Variants in MMP13 observed in about 807,000 individuals in gnomAD.
The protein encoded by MMP13 is collagenase 3.
A neutral mutation model predicts 52.1 loss-of-function variants in MMP13; 45 were observed. The ratio of observed to expected loss-of-function variants is 0.86; its 90% CI spans 0.68 to 1.11. MMP13 has a LOEUF of 1.11. Among genes scored for constraint, MMP13 ranks in the 50% least tolerant of loss-of-function variants. The pLI is 0.00. For missense variants in MMP13, 576 were observed against 583.8 expected, an observed-to-expected ratio of 0.99 and a Z score of 0.14; for synonymous variants, 200 against 204.4, an observed-to-expected ratio of 0.98 and a Z score of 0.18.
chr11:102,946,406 A>T (rs1555016663), intron 8 of MMP13, among the ~76,000 whole-genome samples: 1 of 152,200 alleles, frequency 6.6e-6, no homozygotes, highest in East Asian at 1.9e-4. Flanking sequence ...TGTTCCAACA[A>T]GTAAAAGATA....
At position 102,948,065 on chromosome 11, in the gene MMP13, A is replaced by C. The variant is rs1860544719; in HGVS notation, c.1052-15T>G. ...AAATTTTCTACCTGGAATGAGTGAAATAACAGTTCTATTATCCAAGGGAAT... is the reference window on the plus strand; with the variant it reads ...AAATTTTCTACCTGGAATGAGTGAACTAACAGTTCTATTATCCAAGGGAAT... On this transcript the variant is annotated splice_polypyrimidine_tract_variant and intron_variant, in intron 7 of 9. Coordinates refer to ENST00000260302, the MANE Select transcript of MMP13 (RefSeq NM_002427.4). The C allele has an allele frequency of 1.2e-6, 2 of 1,611,214 alleles. No individual in the cohort carries two copies. The highest frequency in any genetic ancestry group is 1.7e-6 in the Non-Finnish European group (2 of 1,178,274).
At chr11:102,948,170 T>G (rs1860546747) in intron 7 of MMP13, 120 bp from the exon 8 acceptor site, 4 of 767,752 alleles carry the variant, frequency 5.2e-6, no homozygotes, top group Non-Finnish European at 8.3e-6. Context: ...AAATATTTAG[T>G]ATTTACAGTC....
chr11:102,954,472 G>A lies in MMP13; in HGVS notation c.497C>T (p.Ser166Phe), dbSNP rs780955466. The A allele has an allele frequency of 1.2e-6, 2 of 1,613,570 alleles. No homozygotes were observed. Among genetic ancestry groups the A allele is most frequent in the African/African-American group, 2.7e-5 (2 of 75,014 alleles). The change falls in exon 3 of 10, where the codon TCT becomes TTT. Residue 166 changes from serine (S) to phenylalanine (F), a missense_variant. By Grantham distance (155) the Ser-to-Phe change is radical. Coordinates refer to ENST00000260302, the MANE Select transcript of MMP13 (RefSeq NM_002427.4). ...LHDGIADIMISFGIKEHGDFY... is the reference protein window; with the variant it reads ...LHDGIADIMIFFGIKEHGDFY... ...TGCATCATTACCCTTAATTCCAAAA[G>A]AGATCATGATGTCAGCAATGCCATC... is the stretch of plus-strand genomic sequence containing the variant.
Position 102,954,203 on chromosome 11 carries a change from C to T in MMP13, c.590G>A (p.Gly197Glu), listed in dbSNP as rs1329653151. The T allele has an allele frequency of 6.2e-7, 1 of 1,613,566 alleles. No homozygotes were observed. Among genetic ancestry groups the T allele is most frequent in the Non-Finnish European group, 8.5e-7 (1 of 1,179,746 alleles). Residue 197 changes from glycine to glutamate, a missense_variant, in exon 4 of 10, where the codon GGA becomes GAA. Coordinates refer to ENST00000260302, the MANE Select transcript of MMP13 (RefSeq NM_002427.4). ...TTCATCATCATCAAAATGGGCATCT[C>T]CTCCATAATTTGGCCCAGGAGGAAA... ...HAFPPGPNYG[G>E]DAHFDDDETW... is the part of the protein sequence containing the mutation.
chr11:102,948,431 T>C (rs1403468939), intron 7 of MMP13, among the ~76,000 whole-genome samples: 3 of 152,148 alleles, frequency 2.0e-5, no homozygotes, highest in Non-Finnish European at 4.4e-5. Flanking sequence ...AGTTATTTTA[T>C]TCTCTAAAAA....
chr11:102,952,197 GA>G lies in MMP13; in HGVS notation c.638-25del, dbSNP rs1860625291. 6.2e-7 allele frequency: 1 copy of G among 1,611,000 alleles called. No homozygotes were observed. The highest frequency in any genetic ancestry group is 8.5e-7 in the Non-Finnish European group (1 of 1,178,122). On this transcript the variant is annotated intron_variant, in intron 4 of 9. Transcript: ENST00000260302. This position sits in a 1 kb window ranked among gnomAD's most constrained non-coding sequence, Gnocchi z 4.3. ...GCCTGTAAGAAAACAAAGAAACAAT[GA>G]GAAAAAAAGGAATTCCAGTGACCAG...
In MMP13 at chr11:102,955,287, T is replaced by C; in HGVS notation, c.327A>G (p.Arg109=). 6.2e-7 allele frequency: 1 copy of C among 1,613,960 alleles called. No individual in the cohort carries two copies. Among genetic ancestry groups the C allele is most frequent in the Non-Finnish European group, 8.5e-7 (1 of 1,179,864 alleles). Residue 109 remains arginine, a synonymous_variant, in exon 2 of 10, where the codon CGA becomes CGG. Transcript: ENST00000260302. The surrounding 1 kb of genome is among the most constrained non-coding windows in gnomAD (Gnocchi z 4.9). ...AATTCATTTTGGACCATTTAAGAGT[T>C]CGAGGGAAAACATTGTATTCACCCA... ...PDVGEYNVFP[R]TLKWSKMNLT...
At chr11:102,950,259 G>T (rs782322194) in intron 5 of MMP13, 32 bp from the exon 6 acceptor site, 22 of 1,495,926 alleles carry the variant, frequency 1.5e-5, no homozygotes, top group Non-Finnish European at 2.0e-5. Flanking sequence ...GAGAAGTTAT[G>T]AGTGTGACAT....
chr11:102,955,408 C>G lies in MMP13; in HGVS notation c.206G>C (p.Arg69Pro). The change falls in exon 2 of 10, where the codon CGA becomes CCA. Residue 69 changes from arginine to proline, a missense_variant. Transcript: ENST00000260302. The surrounding 1 kb of genome is among the most constrained non-coding windows in gnomAD (Gnocchi z 4.9). ...NAASSMTERL[R>P]EMQSFFGLEV... The stretch of plus-strand genomic sequence containing the variant: ...TAAGCCGAAGAAAGACTGCATTTCT[C>G]GGAGCCTCTCAGTCATGGAGCTTGC... The G allele has an allele frequency of 1.2e-6, 2 of 1,614,016 alleles. No homozygotes were observed. The highest frequency in any genetic ancestry group is 1.7e-6 in the Non-Finnish European group (2 of 1,179,944).
intron 5 of MMP13, among the ~76,000 whole-genome samples, chr11:102,951,026 T>C (rs984265155): frequency 5.3e-5 from 8 of 152,210 alleles, no homozygotes; most frequent in African/African-American, 1.9e-4. Context: ...TTCTGAGCTA[T>C]GTGCTCTAGA....
At chr11:102,953,269 T>C (rs1565255663) in intron 4 of MMP13, among the ~76,000 whole-genome samples, 1 of 152,210 alleles carries the variant, frequency 6.6e-6, no homozygotes, top group East Asian at 1.9e-4. Flanking sequence ...TTATTTCTTC[T>C]TCCTGAAACC....
At position 102,944,263 on chromosome 11, in the gene MMP13, C is replaced by G; in HGVS notation, c.*3G>C. The G allele has an allele frequency of 1.2e-6, 2 of 1,609,004 alleles. No homozygotes were observed. Among genetic ancestry groups the G allele is most frequent in the Non-Finnish European group, 1.7e-6 (2 of 1,175,792 alleles). On this transcript the variant is annotated 3_prime_UTR_variant, in exon 10 of 10. Coordinates refer to ENST00000260302, the MANE Select transcript of MMP13 (RefSeq NM_002427.4). ...ATTTAAATAACAATTTTTAAAAAGA[C>G]ACTTAACACCACAAAATGGAATTTG...
Position 102,944,314 on chromosome 11 carries a change from A to G in MMP13, c.1368T>C (p.Ser456=), listed in dbSNP as rs1860460280. ...GPIQFEYSIW[S]NRIVRVMPAN... ...CTGGCATGACGCGAACAATACGGTT[A>G]CTCCAGATGCTGTATTCAAACTGTA... Residue 456 remains serine (S), a synonymous_variant, in exon 10 of 10, where the codon AGT becomes AGC. Transcript: ENST00000260302. 1 of 1,613,442 alleles carries G rather than the reference A, an allele frequency of 6.2e-7. No homozygotes were observed. Among genetic ancestry groups the G allele is most frequent in the African/African-American group, 1.3e-5 (1 of 75,012 alleles).
chr11:102,954,131 A>G, intron 4 of MMP13, 25 bp downstream of exon 4: 1 of 1,612,700 alleles, frequency 6.2e-7, no homozygotes, highest in Non-Finnish European at 8.5e-7. Flanking sequence ...TAACACATAA[A>G]TGATATCTTT....
chr11:102,945,680 A>G lies in MMP13; in HGVS notation c.1281T>C (p.Ile427=), dbSNP rs1555016590. ...PRLIEEDFPG[I]GDKVDAVYEK... Reference sequence around the variant, plus strand: ...CATAGACAGCATCTACTTTATCACCAATTCCTGGGAAGTCTTCTTCTATTA... The same window carrying G: ...CATAGACAGCATCTACTTTATCACCGATTCCTGGGAAGTCTTCTTCTATTA... Residue 427 remains isoleucine, a synonymous_variant, in exon 9 of 10, where the codon ATT becomes ATC. Transcript: ENST00000260302. The G allele has an allele frequency of 6.2e-7, 1 of 1,602,266 alleles. No homozygotes were observed. Among genetic ancestry groups the G allele is most frequent in the Non-Finnish European group, 8.5e-7 (1 of 1,170,118 alleles).
chr11:102,947,104 G>A (rs1169963605), intron 8 of MMP13, among the ~76,000 whole-genome samples: 1 of 152,132 alleles, frequency 6.6e-6, no homozygotes. Flanking sequence ...TAAACTATGG[G>A]CCTGTCAGCT....
chr11:102,947,988 C>G lies in MMP13; in HGVS notation c.1114G>C (p.Glu372Gln). The G allele has an allele frequency of 6.2e-7, 1 of 1,613,802 alleles. No homozygotes were observed. Among genetic ancestry groups the G allele is most frequent in the Non-Finnish European group, 8.5e-7 (1 of 1,179,858 alleles). The change falls in exon 8 of 10, where the codon GAA becomes CAA. Residue 372 changes from glutamate to glutamine, a missense_variant. Physicochemically the swap from Glu to Gln is conservative, Grantham distance 29 (BLOSUM62 2). Transcript: ENST00000260302. ...TTAACTTCTTTTGGAAGACCCAGTT[C>G]AGATATTTTTTTGGGATAACCTTCC... The part of the protein sequence containing the change: ...ILEGYPKKIS[E>Q]LGLPKEVKKI...
rs781151341 is a variant in MMP13, at chr11:102,954,289, C to T, written c.512-8G>A. ...GGTAGAAGTCGCCATGCTCTACACA[C>T]AAAAGCAAGGGTTAGGAGTCTTATC... On this transcript the variant is annotated splice_region_variant and splice_polypyrimidine_tract_variant and intron_variant, in intron 3 of 9. Transcript: ENST00000260302. 3 of 1,613,532 alleles carry T rather than the reference C, an allele frequency of 1.9e-6. No individual in the cohort carries two copies. Among genetic ancestry groups the T allele is most frequent in the African/African-American group, 2.7e-5 (2 of 74,904 alleles).
At position 102,955,308 on chromosome 11, in the gene MMP13, A is replaced by G. The variant is rs533776098; in HGVS notation, c.306T>C (p.Gly102=). 6.2e-7 allele frequency: 1 copy of G among 1,613,990 alleles called. No homozygotes were observed. Among genetic ancestry groups the G allele is most frequent in the South Asian group, 1.1e-5 (1 of 91,082 alleles). Residue 102 remains glycine, a synonymous_variant, in exon 2 of 10, where the codon GGT becomes GGC. Transcript: ENST00000260302. This position sits in a 1 kb window ranked among gnomAD's most constrained non-coding sequence, Gnocchi z 4.9. ...KKPRCGVPDV[G]EYNVFPRTLK... ...GAGTTCGAGGGAAAACATTGTATTC[A>G]CCCACATCAGGAACCCCGCATCTTG...
Sources: allele counts gnomAD v4.1 joint callset (sites outside exome capture counted in the v4.1 genomes callset), GRCh38; gene constraint gnomAD v4.1.1; non-coding constraint Gnocchi (gnomAD v3.1); transcripts MANE v1.5; gene names NCBI Gene and HGNC (gene_info 2026-07-23, HGNC 2026-07-21).